Variants in GPBP1 observed in about 807,000 individuals in gnomAD.
GPBP1 encodes the protein GC-rich promoter binding protein 1.
A neutral mutation model predicts 56.5 loss-of-function variants in GPBP1; 13 were observed. That is an observed-to-expected ratio of 0.23 (90% confidence interval 0.15 to 0.37). The LOEUF (loss-of-function observed/expected upper bound fraction) is 0.37. Among genes scored for constraint, GPBP1 ranks in the 10% least tolerant of loss-of-function variants. The pLI, the probability that GPBP1 is intolerant of heterozygous loss-of-function variation, is 1.00. For synonymous variants in GPBP1, 204 were observed against 188.9 expected (o/e 1.08, Z -0.66); for missense variants, 477 against 572.3 (o/e 0.83, Z 1.70).
chr5:57,180,502 G>T, intron 2 of GPBP1, among the ~76,000 whole-genome samples: 1 of 152,180 alleles, frequency 6.6e-6, no homozygotes, highest in African/African-American at 2.4e-5. Context: ...AGGTAACAAC[G>T]TTTAGATCTA....
chr5:57,252,942 C>G (rs1411433397), intron 10 of GPBP1, among the ~76,000 whole-genome samples: 8 of 151,644 alleles, frequency 5.3e-5, no homozygotes, highest in Admixed American at 6.6e-5. Context: ...TTCCTGACCT[C>G]AAGTGATCCA....
At chr5:57,208,548 T>C (rs1755335747) in intron 2 of GPBP1, among the ~76,000 whole-genome samples, 1 of 152,092 alleles carries the variant, frequency 6.6e-6, no homozygotes, top group Non-Finnish European at 1.5e-5. Context: ...GTTGGAATTT[T>C]AATAGAGATT....
chr5:57,242,830 A>G lies in GPBP1; in HGVS notation c.479-3470A>G, dbSNP rs969397952. ...AGTGGTGTGATCTCATCTCACTGCA[A>G]CCTCTGCCTCCCGGGTTCAAGTGAT... On this transcript the variant is annotated intron_variant, in intron 6 of 11. Transcript: ENST00000506184. Among the ~76,000 whole-genome samples, 8 of 151,762 alleles carry G rather than the reference A, an allele frequency of 5.3e-5. No individual in the cohort carries two copies. The East Asian group carries it at 1.2e-3, about 22-fold the overall frequency.
At chr5:57,246,031 G>C (rs1247464780) in intron 6 of GPBP1, 1 of 273,974 alleles carries the variant, frequency 3.6e-6, no homozygotes, top group Non-Finnish European at 6.8e-6. Flanking sequence ...AATTTGTCTT[G>C]GTTTTAACAT....
Position 57,264,594 on chromosome 5 carries a change from A to G in GPBP1, c.*1842A>G, listed in dbSNP as rs1742037389. ...CTTAATTCCCATTTACCAGCAGTTAACTCATGTTTATTGTGCTTTCATGCA... is the reference window on the plus strand; with the variant it reads ...CTTAATTCCCATTTACCAGCAGTTAGCTCATGTTTATTGTGCTTTCATGCA... On this transcript the variant is annotated 3_prime_UTR_variant, in exon 12 of 12. Coordinates refer to ENST00000506184, the MANE Select transcript of GPBP1 (RefSeq NM_022913.4). 1 of 152,076 alleles carries G rather than the reference A, an allele frequency of 6.6e-6. No homozygotes were observed. Among genetic ancestry groups the G allele is most frequent in the East Asian group, 1.9e-4 (1 of 5,202 alleles). 9.4% of individuals were successfully genotyped at this position (152,076 alleles called of 1,614,324 possible).
At chr5:57,231,655 A>G (rs1756466640) in intron 5 of GPBP1, among the ~76,000 whole-genome samples, 2 of 152,186 alleles carry the variant, frequency 1.3e-5, no homozygotes, top group African/African-American at 4.8e-5. Context: ...GTACAGTCAT[A>G]TTTATCTAGT....
At chr5:57,232,824 C>A (rs959834792) in intron 5 of GPBP1, among the ~76,000 whole-genome samples, 3 of 152,172 alleles carry the variant, frequency 2.0e-5, no homozygotes, top group African/African-American at 7.2e-5. Context: ...AATTTATGTT[C>A]AAGTGCTATT....
intron 6 of GPBP1, among the ~76,000 whole-genome samples, chr5:57,244,627 T>A (rs185313166): frequency 9.5e-4 from 144 of 152,304 alleles, no homozygotes; most frequent in Middle Eastern, 3.4e-3. Context: ...GAATTTTTTT[T>A]ATACTTCATC....
chr5:57,262,920 T>C lies in GPBP1; in HGVS notation c.*168T>C. ...AAACCAAGAATGTTTTGTTGGGCTG[T>C]GTTGAACATTATTTCTTTGTAAATG... is the stretch of plus-strand genomic sequence containing the variant. On this transcript the variant is annotated 3_prime_UTR_variant, in exon 12 of 12. Transcript: ENST00000506184. 1.8e-6 allele frequency: 1 copy of C among 553,258 alleles called. No homozygotes were observed. The highest frequency in any genetic ancestry group is 3.1e-6 in the Non-Finnish European group (1 of 317,584). The allele number at this position is 553,258 out of a possible 1,614,324, so 34.3% of individuals were successfully genotyped here.
intron 2 of GPBP1, among the ~76,000 whole-genome samples, chr5:57,178,085 G>A (rs546595004): frequency 6.6e-6 from 1 of 152,166 alleles, no homozygotes; most frequent in East Asian, 1.9e-4. Flanking sequence ...AAATCGGTGA[G>A]AACATTCCAC....
At chr5:57,188,373 G>T (rs1338369796) in intron 2 of GPBP1, among the ~76,000 whole-genome samples, 1 of 152,038 alleles carries the variant, frequency 6.6e-6, no homozygotes, top group Non-Finnish European at 1.5e-5. Flanking sequence ...TTCCAGTTCA[G>T]ATCTTCTCTC....
rs1334102769 is a variant in GPBP1 at position 57,175,784 on chromosome 5, A to C, written c.-674A>C. The C allele has an allele frequency of 2.5e-6, 1 of 396,854 alleles. No homozygotes were observed. The highest frequency in any genetic ancestry group is 3.6e-5 in the East Asian group (1 of 28,006). 24.6% of individuals were successfully genotyped at this position (396,854 alleles called of 1,614,324 possible). A position where few individuals can be genotyped will look rare whatever the true frequency, so the allele number is the denominator to read the frequency against. ...GAAACTGAGAGACGTTGATTTGTGT[A>C]CTGAGTAGTTTCAGCAGTTTCAAAT... is the stretch of plus-strand genomic sequence containing the variant. On this transcript the variant is annotated 5_prime_UTR_variant, in exon 2 of 12. Transcript: ENST00000506184.
At chr5:57,230,488 AG>A (rs1340775900) in intron 3 of GPBP1, among the ~76,000 whole-genome samples, 1 of 152,218 alleles carries the variant, frequency 6.6e-6, no homozygotes, top group Non-Finnish European at 1.5e-5. Context: ...CTGATGTAGA[AG>A]GAAACTGAGC....
intron 6 of GPBP1, 34 bp from the exon 7 acceptor site, chr5:57,246,266 G>A (rs1362912812): frequency 6.5e-7 from 1 of 1,531,894 alleles, no homozygotes; most frequent in Non-Finnish European, 8.9e-7. Flanking sequence ...ACTTGAAATT[G>A]TGAGTGACTC....
At chr5:57,209,566 C>G (rs1755386157) in intron 2 of GPBP1, among the ~76,000 whole-genome samples, 1 of 152,104 alleles carries the variant, frequency 6.6e-6, no homozygotes, top group African/African-American at 2.4e-5. Context: ...TGTCTTGTTC[C>G]TGATCTTAAG....
chr5:57,259,796 C>G (rs1169774598), intron 10 of GPBP1, among the ~76,000 whole-genome samples: 1 of 152,222 alleles, frequency 6.6e-6, no homozygotes, highest in East Asian at 1.9e-4. Flanking sequence ...TCTGCTAAAG[C>G]TTTCCCAGGC....
intron 2 of GPBP1, among the ~76,000 whole-genome samples, chr5:57,180,769 T>C (rs1348899411): frequency 6.6e-6 from 1 of 152,090 alleles, no homozygotes; most frequent in Non-Finnish European, 1.5e-5. Context: ...TGAGACAGAG[T>C]CTCGCTCTGT....
intron 2 of GPBP1, among the ~76,000 whole-genome samples, chr5:57,178,128 C>G (rs1036342457): frequency 2.0e-5 from 3 of 152,164 alleles, no homozygotes; most frequent in Non-Finnish European, 2.9e-5. Context: ...GTATTTTGTT[C>G]ATTCCTCAAT....
At chr5:57,197,534 T>C (rs1754821012) in intron 2 of GPBP1, among the ~76,000 whole-genome samples, 1 of 151,910 alleles carries the variant, frequency 6.6e-6, no homozygotes, top group South Asian at 2.1e-4. Flanking sequence ...AGTTTTTGTA[T>C]TTTTAGTAGA....
Sources: gnomAD v4.1 joint callset for allele counts (sites outside exome capture counted in the v4.1 genomes callset) on GRCh38, gnomAD v4.1.1 for gene constraint, MANE v1.5 for transcripts, NCBI Gene and HGNC (gene_info 2026-07-23, HGNC 2026-07-21) for gene names.